The following KLHL21 variants were observed in gnomAD, a reference collection of about 807,000 sequenced individuals.
KLHL21 encodes the protein kelch-like protein 21.
KLHL21 carries 42 observed loss-of-function variants against 44.1 expected under a neutral mutation model. The ratio of observed to expected loss-of-function variants is 0.95; its 90% CI spans 0.74 to 1.23. The LOEUF (loss-of-function observed/expected upper bound fraction) is 1.23, where lower values mean the gene tolerates loss of function less well. Ranked by LOEUF, KLHL21 falls within the 50% of genes most tolerant of loss-of-function variation. The probability of loss-of-function intolerance (pLI) is 0.00; values close to 1 mark genes in which losing one functional copy is unlikely to be tolerated. For synonymous variants in KLHL21, 524 were observed against 411.6 expected (o/e 1.27, Z -3.31); for missense variants, 918 against 889.1 (o/e 1.03, Z -0.41).
Position 6,593,478 on chromosome 1 carries a change from G to T in KLHL21, c.1681C>A (p.Gln561Lys). ...CCCGAGAAGGTCTGGGGCATGAACT[G>T]GCGGAAGATGCTGACACTGCCATGC... ...FWHGSVSIFR[Q>K]FMPQTFSGGR... Residue 561 changes from glutamine to lysine, a missense_variant, in exon 4 of 4, where the codon CAG becomes AAG. Gln to Lys is a moderately conservative substitution (Grantham distance 53). Coordinates refer to ENST00000377658, the MANE Select transcript of KLHL21 (RefSeq NM_014851.4). 6.2e-7 allele frequency: 1 copy of T among 1,613,828 alleles called. No homozygotes were observed. The highest frequency in any genetic ancestry group is 1.1e-5 in the South Asian group (1 of 91,086).
At chr1:6,594,178 G>C (rs1034902459) in intron 3 of KLHL21, 5 of 672,320 alleles carry the variant, frequency 7.4e-6, no homozygotes, top group Non-Finnish European at 7.4e-6. Flanking sequence ...AAGCTGTGAG[G>C]CTGGATGTCA....
rs368398322 is a variant in KLHL21 at position 6,599,262 on chromosome 1, G to A, written c.1212C>T (p.Ala404=). Residue 404 remains alanine (A), a synonymous_variant, in exon 2 of 4, where the codon GCC becomes GCT. Coordinates refer to ENST00000377658, the MANE Select transcript of KLHL21 (RefSeq NM_014851.4). ...RYDHTTDSWE[A]LQPMTYPMDN... is the part of the protein sequence containing the mutation. ...CCATGGGGTAGGTCATGGGCTGCAG[G>A]GCCTCCCAGGAGTCAGTGGTGTGGT... 5 of 1,614,058 alleles carry A rather than the reference G, an allele frequency of 3.1e-6. No homozygotes were observed. Among genetic ancestry groups the A allele is most frequent in the Non-Finnish European group, 4.2e-6 (5 of 1,180,004 alleles).
intron 2 of KLHL21, 69 bp from the exon 3 acceptor site, chr1:6,595,626 C>A: frequency 7.4e-7 from 1 of 1,345,408 alleles, no homozygotes; most frequent in Non-Finnish European, 1.0e-6. Context: ...AGGGCTGGAG[C>A]AGAGTCCTCC....
At position 6,602,278 on chromosome 1, in the gene KLHL21, G is replaced by A; in HGVS notation, c.540C>T (p.Arg180=). ...CGTCGTCCCGCAGGTAGCGCAGCAG[G>A]CGCGCCAGTGGCAGCCGCTCCAGCT... ...AEQLERLPLA[R]LLRYLRDDGL... Residue 180 remains arginine (R), a synonymous_variant, in exon 1 of 4, where the codon CGC becomes CGT. Coordinates refer to ENST00000377658, the MANE Select transcript of KLHL21 (RefSeq NM_014851.4). 2 of 1,555,908 alleles carry A rather than the reference G, an allele frequency of 1.3e-6. No homozygotes were observed. Among genetic ancestry groups the A allele is most frequent in the East Asian group, 2.4e-5 (1 of 41,634 alleles).
intron 2 of KLHL21, among the ~76,000 whole-genome samples, chr1:6,597,878 G>T (rs1291709222): frequency 1.3e-5 from 2 of 152,260 alleles, no homozygotes; most frequent in African/African-American, 4.8e-5. Flanking sequence ...ACAAGCAGCG[G>T]AGTACAGCAG....
At position 6,602,530 on chromosome 1, in the gene KLHL21, C is replaced by G. The variant is rs757722351; in HGVS notation, c.288G>C (p.Thr96=). The change falls in exon 1 of 4, where the codon ACG becomes ACC. Residue 96 remains threonine, a synonymous_variant. Transcript: ENST00000377658. ...TGTCGCCGCTTACCGCCACGCGGCCCGTGTAGCTGAAGTCCAGCAGCAGCT... is the reference window on the plus strand; with the variant it reads ...TGTCGCCGCTTACCGCCACGCGGCCGGTGTAGCTGAAGTCCAGCAGCAGCT... The part of the protein sequence containing the change: ...MLQLLLDFSY[T]GRVAVSGDNA... The G allele has an allele frequency of 2.6e-6, 4 of 1,540,482 alleles. No homozygotes were observed. The highest frequency in any genetic ancestry group is 2.4e-5 in the South Asian group (2 of 84,400).
intron 1 of KLHL21, among the ~76,000 whole-genome samples, chr1:6,600,339 G>A (rs940054269): frequency 6.6e-5 from 10 of 152,088 alleles, no homozygotes; most frequent in African/African-American, 2.4e-4. Flanking sequence ...CACTGCACCC[G>A]GCCCGTATTT....
chr1:6,597,822 G>A (rs899159109), intron 2 of KLHL21, among the ~76,000 whole-genome samples: 2 of 152,250 alleles, frequency 1.3e-5, no homozygotes, highest in African/African-American at 4.8e-5. Context: ...TGGACCCAGA[G>A]CTTCAGGCAG....
Position 6,599,464 on chromosome 1 carries a change from C to T in KLHL21, c.1022-12G>A. On this transcript the variant is annotated splice_polypyrimidine_tract_variant and intron_variant, in intron 1 of 3. Coordinates refer to ENST00000377658, the MANE Select transcript of KLHL21 (RefSeq NM_014851.4). ...GCCATCGGACCCACCTGCCAGGACG[C>T]ATGACAGGCAGAAGATCAGCCCACT... 1 of 1,588,696 alleles carries T rather than the reference C, an allele frequency of 6.3e-7. No homozygotes were observed. Among genetic ancestry groups the T allele is most frequent in the Non-Finnish European group, 8.6e-7 (1 of 1,165,604 alleles).
At position 6,601,818 on chromosome 1, in the gene KLHL21, C is replaced by G; in HGVS notation, c.1000G>C (p.Gly334Arg). 1 of 1,583,120 alleles carries G rather than the reference C, an allele frequency of 6.3e-7. No homozygotes were observed. The highest frequency in any genetic ancestry group is 8.6e-7 in the Non-Finnish European group (1 of 1,164,622). The change falls in exon 1 of 4, where the codon GGC (glycine) becomes CGC (arginine). Residue 334 changes from glycine to arginine, a missense_variant. Physicochemically the swap from Gly to Arg is moderately radical, Grantham distance 125. Coordinates refer to ENST00000377658, the MANE Select transcript of KLHL21 (RefSeq NM_014851.4). ...TCACCCGTCACGTAGATGTCATTGC[C>G]CAGCGCCACGATGCTGTAGCCTCCG... ...LGGGYSIVAL[G>R]NDIYVTGGSD... is the part of the protein sequence containing the mutation.
rs1641050784 is a variant in KLHL21 at position 6,602,623 on chromosome 1, G to A, written c.195C>T (p.Phe65=). The change falls in exon 1 of 4, where the codon TTC becomes TTT. Residue 65 remains phenylalanine, a synonymous_variant. Transcript: ENST00000377658. ...CGCGGCTCTCGCGCAGCTGCCCCGC[G>A]AACATGGCGCGGAAGTAGGGGCTGG... ...AAASPYFRAM[F]AGQLRESRAE... The A allele has an allele frequency of 6.6e-7, 1 of 1,520,028 alleles. No homozygotes were observed. Among genetic ancestry groups the A allele is most frequent in the South Asian group, 1.2e-5 (1 of 82,094 alleles). 94.2% of individuals were successfully genotyped at this position (1,520,028 alleles called of 1,614,324 possible).
intron 3 of KLHL21, 156 bp downstream of exon 3, chr1:6,595,329 C>T: frequency 1.4e-6 from 1 of 721,142 alleles, no homozygotes; most frequent in Non-Finnish European, 2.6e-6. Context: ...TCTCAGTGAG[C>T]CTTAAGTGCA....
intron 1 of KLHL21, among the ~76,000 whole-genome samples, chr1:6,601,408 G>A (rs1454847380): frequency 1.3e-5 from 2 of 152,162 alleles, no homozygotes; most frequent in African/African-American, 4.8e-5. Flanking sequence ...CCGGCTTGTG[G>A]GGAACAGATG....
In KLHL21 at chr1:6,595,572, G is replaced by A; in HGVS notation, c.1428-15C>T. Reference sequence around the variant, plus strand: ...CGGAGTCATCCCTGTGGAGGGGGCAGCAGGAGGACAACTGCTCAGAGCGAG... The same window carrying A: ...CGGAGTCATCCCTGTGGAGGGGGCAACAGGAGGACAACTGCTCAGAGCGAG... On this transcript the variant is annotated splice_polypyrimidine_tract_variant and intron_variant, in intron 2 of 3. Coordinates refer to ENST00000377658, the MANE Select transcript of KLHL21 (RefSeq NM_014851.4). 1 of 1,611,110 alleles carries A rather than the reference G, an allele frequency of 6.2e-7. No individual in the cohort carries two copies. Among genetic ancestry groups the A allele is most frequent in the Middle Eastern group, 1.8e-4 (1 of 5,634 alleles).
chr1:6,596,453 C>T (rs1235867454), intron 2 of KLHL21, among the ~76,000 whole-genome samples: 2 of 152,164 alleles, frequency 1.3e-5, no homozygotes, highest in Non-Finnish European at 2.9e-5. Context: ...AAAAAAGAAA[C>T]AAAGATACTA....
rs1234466779 is a variant in KLHL21 at position 6,602,040 on chromosome 1, A to G, written c.778T>C (p.Phe260Leu). The G allele has an allele frequency of 6.5e-7, 1 of 1,526,904 alleles. No homozygotes were observed. Among genetic ancestry groups the G allele is most frequent in the Non-Finnish European group, 8.8e-7 (1 of 1,135,640 alleles). 94.6% of individuals were successfully genotyped at this position (1,526,904 alleles called of 1,614,324 possible). The change falls in exon 1 of 4, where the codon TTC becomes CTC. Residue 260 changes from phenylalanine (F) to leucine (L), a missense_variant. Coordinates refer to ENST00000377658, the MANE Select transcript of KLHL21 (RefSeq NM_014851.4). ...TGGCGGTCGTAGCGCGCCGCCTGGA[A>G]GTCGCGCGCCTCGCGCAGCAGGCGC... ...CLRLLREARD[F>L]QAARYDRHDR...
In KLHL21 at chr1:6,601,991, A is replaced by G. The variant is rs1641029162; in HGVS notation, c.827T>C (p.Met276Thr). The G allele has an allele frequency of 2.6e-6, 4 of 1,550,078 alleles. No homozygotes were observed. Among genetic ancestry groups the G allele is most frequent in the Non-Finnish European group, 3.5e-6 (4 of 1,146,456 alleles). ...GAGACCGGTGGACGGGCGAGGACGCATTCGGGGACAGGGCCCGCGGTCGTG... is the reference window on the plus strand; with the variant it reads ...GAGACCGGTGGACGGGCGAGGACGCGTTCGGGGACAGGGCCCGCGGTCGTG... Reference protein sequence around the residue: ...DRHDRGPCPRMRPRPSTGLAE... With the variant: ...DRHDRGPCPRTRPRPSTGLAE... Residue 276 changes from methionine (M) to threonine (T), a missense_variant, in exon 1 of 4, where the codon ATG becomes ACG. By Grantham distance (81) the Met-to-Thr change is moderately conservative. Coordinates refer to ENST00000377658, the MANE Select transcript of KLHL21 (RefSeq NM_014851.4).
intron 2 of KLHL21, 65 bp downstream of exon 2, chr1:6,598,982 G>A: frequency 6.9e-7 from 1 of 1,456,420 alleles, no homozygotes. Flanking sequence ...GCCATGATGT[G>A]TGCTTAAGAC....
chr1:6,594,897 A>G (rs1463393329), intron 3 of KLHL21: 1 of 155,324 alleles, frequency 6.4e-6, no homozygotes, highest in Non-Finnish European at 1.4e-5. Context: ...TTGTATCTAC[A>G]TATGAGAAAA....
Sources: gnomAD v4.1 joint callset for allele counts (sites outside exome capture counted in the v4.1 genomes callset) on GRCh38, gnomAD v4.1.1 for gene constraint, MANE v1.5 for transcripts, NCBI Gene and HGNC (gene_info 2026-07-23, HGNC 2026-07-21) for gene names.